Variants in TLCD4 observed in about 807,000 individuals in gnomAD.
The protein encoded by TLCD4 is TLC domain containing 4, also known as TLC domain-containing protein 4.
A neutral mutation model predicts 24.2 loss-of-function variants in TLCD4; 7 were observed. The observed-to-expected ratio is 0.29, with a 90% CI of 0.16 to 0.54. The LOEUF (loss-of-function observed/expected upper bound fraction) is 0.54, where lower values mean the gene tolerates loss of function less well. Ranked by LOEUF, TLCD4 falls within the 20% of genes least tolerant of loss-of-function variation. The pLI, the probability that TLCD4 is intolerant of heterozygous loss-of-function variation, is 0.95. For synonymous variants in TLCD4, 103 were observed against 106.4 expected (o/e 0.97, Z 0.20); for missense variants, 259 against 313.9 (o/e 0.82, Z 1.32).
chr1:95,133,968 A>G (rs912696652), intron 1 of TLCD4, among the ~76,000 whole-genome samples: 1 of 151,710 alleles, frequency 6.6e-6, no homozygotes, highest in Admixed American at 6.6e-5. Flanking sequence ...TTAAAGAGGG[A>G]TGTACAAGCA....
At chr1:95,133,856 T>C (rs962720863) in intron 1 of TLCD4, among the ~76,000 whole-genome samples, 3 of 151,928 alleles carry the variant, frequency 2.0e-5, no homozygotes, top group African/African-American at 7.3e-5. Flanking sequence ...GAGTAAATAG[T>C]TGGGCATATC....
intron 6 of TLCD4, among the ~76,000 whole-genome samples, chr1:95,176,785 G>A (rs1289705189): frequency 1.3e-5 from 2 of 152,182 alleles, no homozygotes; most frequent in Non-Finnish European, 2.9e-5. Context: ...TTGGGCTTAT[G>A]TGTAGGTCTT....
intron 1 of TLCD4, among the ~76,000 whole-genome samples, chr1:95,139,089 C>A (rs1384308481): frequency 7.1e-6 from 1 of 141,442 alleles, no homozygotes; most frequent in Non-Finnish European, 1.5e-5. Flanking sequence ...GCGGGAGGAT[C>A]ACTTGAGCCT....
chr1:95,130,510 A>G (rs994165065), intron 1 of TLCD4, among the ~76,000 whole-genome samples: 7 of 152,212 alleles, frequency 4.6e-5, no homozygotes, highest in African/African-American at 1.7e-4. Context: ...CATTTTGTCA[A>G]TGTTGAGATA....
intron 2 of TLCD4, 130 bp from the exon 3 acceptor site, chr1:95,148,572 C>G (rs1314200851): frequency 6.5e-6 from 8 of 1,231,714 alleles, no homozygotes; most frequent in Non-Finnish European, 8.7e-6. Context: ...GCATTATACT[C>G]TCCGTTATAC....
chr1:95,164,759 C>T (rs1677955278), intron 5 of TLCD4: 1 of 152,102 alleles, frequency 6.6e-6, no homozygotes, highest in African/African-American at 2.4e-5. Flanking sequence ...TTAAAAATAT[C>T]TACTTTGTAT....
chr1:95,123,149 G>A (rs1676616533), intron 1 of TLCD4, among the ~76,000 whole-genome samples: 1 of 152,074 alleles, frequency 6.6e-6, no homozygotes, highest in African/African-American at 2.4e-5. Flanking sequence ...CAATTAACAT[G>A]TTTTGCTCCA....
intron 5 of TLCD4, among the ~76,000 whole-genome samples, chr1:95,158,188 CTTTTT>C (rs5776255): frequency 6.2e-5 from 8 of 128,792 alleles, no homozygotes; most frequent in Non-Finnish European, 9.8e-5. Flanking sequence ...TTAATTTTTT[CTTTTT>C]TTTTTTTTTT....
At chr1:95,120,526 C>G (rs973872282) in intron 1 of TLCD4, among the ~76,000 whole-genome samples, 4 of 152,128 alleles carry the variant, frequency 2.6e-5, no homozygotes, top group African/African-American at 9.7e-5. Flanking sequence ...ACGGAGAAGG[C>G]AATGGATATA....
intron 1 of TLCD4, among the ~76,000 whole-genome samples, chr1:95,126,483 G>A (rs531768987): frequency 7.9e-5 from 12 of 151,006 alleles, no homozygotes; most frequent in Admixed American, 4.6e-4. Context: ...TTATTGAGTC[G>A]TCTTTTAATC....
intron 2 of TLCD4, 76 bp from the exon 3 acceptor site, chr1:95,148,626 A>G: frequency 9.4e-6 from 15 of 1,588,126 alleles, no homozygotes; most frequent in Non-Finnish European, 1.3e-5. Context: ...CTTGTTCAGA[A>G]TGTTCTGTGT....
rs560317116 is a variant in TLCD4 at position 95,119,184 on chromosome 1, GA to G, written c.-12+1569del. Among the ~76,000 whole-genome samples the G allele has an allele frequency of 1.9e-4, 29 of 152,314 alleles. No homozygotes were observed. The South Asian group carries it at 5.0e-3, about 26-fold the overall frequency. On this transcript the variant is annotated intron_variant, in intron 1 of 6. Coordinates refer to ENST00000370203, the MANE Select transcript of TLCD4 (RefSeq NM_152487.3). ...CTACTAATGCTTTATACTTGGAGGT[GA>G]ACTAGGAATGGCATGCTCAAGGTGC...
intron 1 of TLCD4, among the ~76,000 whole-genome samples, chr1:95,119,185 A>G (rs183255398): frequency 5.3e-5 from 8 of 152,266 alleles, no homozygotes; most frequent in Non-Finnish European, 2.9e-5. Flanking sequence ...CTTGGAGGTG[A>G]ACTAGGAATG....
In TLCD4 at chr1:95,173,469, C is replaced by T. The variant is rs566900234; in HGVS notation, c.400-347C>T. Among the ~76,000 whole-genome samples the T allele has an allele frequency of 1.3e-4, 20 of 152,298 alleles. No individual in the cohort carries two copies. In the South Asian group the frequency reaches 3.7e-3, roughly 28 times the overall value. ...GGACTACAGGCGCGTGCCACGTGAT[C>T]ATTCTTTTCTACAGTAATTTGAAAA... On this transcript the variant is annotated intron_variant, in intron 5 of 6. Coordinates refer to ENST00000370203, the MANE Select transcript of TLCD4 (RefSeq NM_152487.3).
chr1:95,146,380 T>G (rs1677349389), intron 2 of TLCD4, among the ~76,000 whole-genome samples: 1 of 152,204 alleles, frequency 6.6e-6, no homozygotes, highest in Non-Finnish European at 1.5e-5. Flanking sequence ...ATACTACTAA[T>G]TTTTAAATGT....
upstream of TLCD4, among the ~76,000 whole-genome samples, chr1:95,112,979 G>A (rs1049890472): frequency 1.3e-5 from 2 of 151,674 alleles, no homozygotes; most frequent in Admixed American, 1.3e-4. Context: ...GCCTCCCAAA[G>A]TGTTGGAATT....
chr1:95,131,568 A>G (rs35466718), intron 1 of TLCD4, among the ~76,000 whole-genome samples: 10,770 of 152,284 alleles, frequency 0.071, 430 homozygotes, highest in Non-Finnish European at 0.089. Context: ...GAGCCCTCCA[A>G]TTTGTTCTTC....
the TLCD4 span, among the ~76,000 whole-genome samples, chr1:95,100,250 G>A: frequency 2.0e-5 from 3 of 151,994 alleles, no homozygotes; most frequent in African/African-American, 7.2e-5. Context: ...CTATGAAAAG[G>A]TGTACAAAAA....
At chr1:95,191,422 C>A in intron 6 of TLCD4, 128 bp from the exon 7 acceptor site, 1 of 1,181,168 alleles carries the variant, frequency 8.5e-7, no homozygotes, top group Non-Finnish European at 1.1e-6. Context: ...TCTTTTTCAG[C>A]ATTGCGTATG....
Sources: gnomAD v4.1 joint callset for allele counts (sites outside exome capture counted in the v4.1 genomes callset) on GRCh38, gnomAD v4.1.1 for gene constraint, MANE v1.5 for transcripts, NCBI Gene and HGNC (gene_info 2026-07-23, HGNC 2026-07-21) for gene names.